PRTFDC1: variants seen among roughly 807,000 people sequenced by gnomAD.
The protein encoded by PRTFDC1 is phosphoribosyl transferase domain containing 1.
A neutral mutation model predicts 34.6 loss-of-function variants in PRTFDC1; 38 were observed. That is an observed-to-expected ratio of 1.10 (90% confidence interval 0.85 to 1.44). The LOEUF is 1.44. PRTFDC1 is among the 40% of genes most tolerant of loss of function. The probability of loss-of-function intolerance (pLI) is 0.00; values close to 1 mark genes in which losing one functional copy is unlikely to be tolerated. For missense variants in PRTFDC1, 270 were observed against 283.0 expected (o/e 0.95, Z 0.33); for synonymous variants, 93 against 98.1 (o/e 0.95, Z 0.31).
At chr10:24,894,287 T>C (rs967990572) in intron 3 of PRTFDC1, among the ~76,000 whole-genome samples, 3 of 144,916 alleles carry the variant, frequency 2.1e-5, no homozygotes, top group African/African-American at 7.9e-5. Flanking sequence ...GCCAAGATCA[T>C]GCTGCTGAAC....
At chr10:24,927,878 G>A (rs971822504) in intron 3 of PRTFDC1, among the ~76,000 whole-genome samples, 5 of 151,962 alleles carry the variant, frequency 3.3e-5, no homozygotes, top group Non-Finnish European at 1.5e-5. Flanking sequence ...TATTGCACCC[G>A]GCACAGGACC....
At chr10:24,857,866 C>G (rs987395050) in intron 5 of PRTFDC1, among the ~76,000 whole-genome samples, 8 of 151,794 alleles carry the variant, frequency 5.3e-5, no homozygotes, top group Non-Finnish European at 2.9e-5. Flanking sequence ...TCTTTTCTCT[C>G]TTTTTTTTAA....
At chr10:24,876,702 A>C (rs984631230) in intron 3 of PRTFDC1, among the ~76,000 whole-genome samples, 21 of 151,972 alleles carry the variant, frequency 1.4e-4, no homozygotes, top group Middle Eastern at 3.2e-3. Flanking sequence ...TCAAAAAAAA[A>C]ATTTATTATT....
intron 3 of PRTFDC1, among the ~76,000 whole-genome samples, chr10:24,919,185 G>C (rs1033453495): frequency 2.0e-4 from 31 of 152,010 alleles, no homozygotes; most frequent in Non-Finnish European, 1.0e-4. Flanking sequence ...TAATAAACTA[G>C]AAAGATATCT....
At chr10:24,932,836 A>G (rs2132601203) in intron 3 of PRTFDC1, among the ~76,000 whole-genome samples, 1 of 152,240 alleles carries the variant, frequency 6.6e-6, no homozygotes, top group South Asian at 2.1e-4. Context: ...CAGTGTGAAA[A>G]AGAACAAAGT....
intron 3 of PRTFDC1, among the ~76,000 whole-genome samples, chr10:24,878,558 C>T (rs922960019): frequency 3.3e-5 from 5 of 152,138 alleles, no homozygotes; most frequent in African/African-American, 1.2e-4. Context: ...TACTTAAATA[C>T]AAAAGGAAAC....
At chr10:24,924,250 C>T (rs185051177) in intron 3 of PRTFDC1, among the ~76,000 whole-genome samples, 1 of 152,288 alleles carries the variant, frequency 6.6e-6, no homozygotes, top group East Asian at 1.9e-4. Flanking sequence ...CCCAGGAGAA[C>T]TTCCCCAACC....
At position 24,855,374 on chromosome 10, in the gene PRTFDC1, A is replaced by G; in HGVS notation, c.507-10T>C. On this transcript the variant is annotated splice_polypyrimidine_tract_variant and intron_variant, in intron 6 of 8. Transcript: ENST00000320152. ...TCTCTTCACCAACAAACTACCATTA[A>G]AAAAGACATGCTTTAGTGAACCCAA... The G allele has an allele frequency of 2.5e-6, 4 of 1,613,996 alleles. No individual in the cohort carries two copies. Among genetic ancestry groups the G allele is most frequent in the Non-Finnish European group, 3.4e-6 (4 of 1,179,890 alleles).
intron 3 of PRTFDC1, chr10:24,908,714 A>G: frequency 6.4e-7 from 1 of 1,553,108 alleles, no homozygotes; most frequent in Non-Finnish European, 8.7e-7. Flanking sequence ...TGGAGCAGTG[A>G]GGGAGGAAGG....
chr10:24,851,224 T>C (rs1847481600), intron 8 of PRTFDC1, among the ~76,000 whole-genome samples, 164 bp downstream of exon 8: 1 of 152,190 alleles, frequency 6.6e-6, no homozygotes, highest in South Asian at 2.1e-4. Flanking sequence ...CCCTGCAGAA[T>C]AGTAGTGGGA....
chr10:24,870,386 G>T (rs1847851801), intron 4 of PRTFDC1, among the ~76,000 whole-genome samples: 1 of 152,152 alleles, frequency 6.6e-6, no homozygotes. Context: ...GGGATTGCAG[G>T]CATGAGCCAC....
intron 4 of PRTFDC1, chr10:24,867,584 A>G (rs529616412): frequency 2.6e-5 from 4 of 151,676 alleles, no homozygotes; most frequent in South Asian, 2.1e-4. Context: ...TTTTTGATTA[A>G]TTTCCTTCAG....
At chr10:24,862,145 T>C (rs1847689633) in intron 4 of PRTFDC1, among the ~76,000 whole-genome samples, 1 of 152,276 alleles carries the variant, frequency 6.6e-6, no homozygotes, top group Admixed American at 6.5e-5. Flanking sequence ...TAAAATAGAT[T>C]AAAGGTATCA....
chr10:24,919,565 A>G (rs1300939335), intron 3 of PRTFDC1, among the ~76,000 whole-genome samples: 1 of 152,250 alleles, frequency 6.6e-6, no homozygotes, highest in Non-Finnish European at 1.5e-5. Context: ...GTCAGGACAT[A>G]GGCATGGGCC....
chr10:24,903,014 T>C (rs1264378756), intron 3 of PRTFDC1, among the ~76,000 whole-genome samples: 3 of 152,128 alleles, frequency 2.0e-5, no homozygotes, highest in Non-Finnish European at 1.5e-5. Flanking sequence ...CTGGCCAACA[T>C]AGTGAAACCC....
At chr10:24,914,383 C>G (rs1368161541) in intron 3 of PRTFDC1, among the ~76,000 whole-genome samples, 7 of 152,202 alleles carry the variant, frequency 4.6e-5, no homozygotes, top group African/African-American at 1.7e-4. Flanking sequence ...ATTTTGTGAA[C>G]TAGGGAGAAT....
At chr10:24,873,369 C>T (rs553730237) in intron 3 of PRTFDC1, among the ~76,000 whole-genome samples, 8 of 152,248 alleles carry the variant, frequency 5.3e-5, no homozygotes, top group South Asian at 4.2e-4. Flanking sequence ...GAACCAAAGC[C>T]GATACATTCC....
chr10:24,865,871 A>G (rs1435718811), intron 4 of PRTFDC1, among the ~76,000 whole-genome samples: 1 of 152,108 alleles, frequency 6.6e-6, no homozygotes, highest in Non-Finnish European at 1.5e-5. Context: ...GTGAATATAA[A>G]CCCCATGGAA....
chr10:24,951,028 C>T lies in PRTFDC1; in HGVS notation c.48+1500G>A, dbSNP rs549987914. ...TTAGTCCCCCTCCCATCCATCACAC[C>T]GCTAGGCTTGCCCCTCCTCCTGGGG... On this transcript the variant is annotated intron_variant, in intron 1 of 8. Coordinates refer to ENST00000320152, the MANE Select transcript of PRTFDC1 (RefSeq NM_020200.7). Among the ~76,000 whole-genome samples the T allele has an allele frequency of 1.3e-3, 194 of 152,260 alleles. 7 individuals carry two copies. The South Asian group carries it at 0.039, about 30-fold the overall frequency.
Sources: gnomAD v4.1 joint callset for allele counts (sites outside exome capture counted in the v4.1 genomes callset) on GRCh38, gnomAD v4.1.1 for gene constraint, MANE v1.5 for transcripts, NCBI Gene and HGNC (gene_info 2026-07-23, HGNC 2026-07-21) for gene names.